Variants in CHRM5 observed in about 807,000 individuals in gnomAD.
The protein encoded by CHRM5 is muscarinic acetylcholine receptor M5.
A neutral mutation model predicts 39.0 loss-of-function variants in CHRM5; 18 were observed. The observed-to-expected ratio is 0.46, with a 90% CI of 0.32 to 0.68. The LOEUF (loss-of-function observed/expected upper bound fraction) is 0.68. CHRM5 is among the 30% of genes least tolerant of loss of function. CHRM5 has a pLI of 0.04. For missense variants in CHRM5, 515 were observed against 651.1 expected (o/e 0.79, Z 2.28); for synonymous variants, 241 against 246.3 (o/e 0.98, Z 0.20).
intron 1 of CHRM5, among the ~76,000 whole-genome samples, chr15:33,983,198 GTGTA>G (rs1567447683): frequency 2.0e-4 from 9 of 45,312 alleles, no homozygotes; most frequent in African/African-American, 1.2e-3. Flanking sequence ...GTGTATGTGT[GTGTA>G]TATATATATA....
intron 1 of CHRM5, among the ~76,000 whole-genome samples, chr15:34,009,401 T>C (rs1457384901): frequency 6.6e-6 from 1 of 152,216 alleles, no homozygotes; most frequent in Non-Finnish European, 1.5e-5. Context: ...GTCTTCCCTT[T>C]ACTGATTTTA....
chr15:34,038,648 C>T (rs1344474171), intron 1 of CHRM5: 15 of 835,942 alleles, frequency 1.8e-5, no homozygotes, highest in Non-Finnish European at 2.1e-5. Flanking sequence ...TCCGCCCGTC[C>T]CGCGCAGGCG....
At position 34,048,023 on chromosome 15, in the gene CHRM5, GTGTGTGTGTGTGTT is replaced by G. The variant is rs537656189; in HGVS notation, c.-76+1166_-76+1179del. On this transcript the variant is annotated intron_variant, in intron 2 of 2. Coordinates refer to ENST00000383263, the MANE Select transcript of CHRM5 (RefSeq NM_012125.4). ...AGGCACACATCACCACGTCCAGCTC[GTGTGTGTGTGTGTT>G]TGTGTGTGTGTGTGTTTGGTAGATA... is the stretch of plus-strand genomic sequence containing the variant. 2.5e-3 allele frequency among the ~76,000 whole-genome samples: 65 copies of G among 26,268 alleles called. 1 individual carries two copies. The South Asian group carries it at 0.08, about 32-fold the overall frequency. 17.2% of individuals were successfully genotyped at this position (26,268 alleles called of 152,430 possible).
chr15:34,057,133 T>G (rs577353258), intron 2 of CHRM5, among the ~76,000 whole-genome samples: 34 of 46,320 alleles, frequency 7.3e-4, no homozygotes, highest in African/African-American at 1.2e-3. Context: ...AGAGTTTTGG[T>G]TTTTTTTGGT....
At chr15:34,017,530 C>T (rs940000927) in intron 1 of CHRM5, among the ~76,000 whole-genome samples, 4 of 138,840 alleles carry the variant, frequency 2.9e-5, no homozygotes, top group South Asian at 2.3e-4. Flanking sequence ...TCATCCAGGC[C>T]GGAGTGCAGT....
intron 2 of CHRM5, among the ~76,000 whole-genome samples, chr15:34,053,979 T>A (rs1900038386): frequency 6.6e-6 from 1 of 151,778 alleles, no homozygotes; most frequent in Non-Finnish European, 1.5e-5. Flanking sequence ...AACAAATTTA[T>A]GAGAAAAAAA....
chr15:33,986,785 T>C (rs533731492), intron 1 of CHRM5, among the ~76,000 whole-genome samples: 1 of 151,960 alleles, frequency 6.6e-6, no homozygotes, highest in Non-Finnish European at 1.5e-5. Flanking sequence ...GCCGCCCGAG[T>C]AGCTGGGACT....
At chr15:33,987,627 A>G (rs1166468877) in intron 1 of CHRM5, among the ~76,000 whole-genome samples, 1 of 152,164 alleles carries the variant, frequency 6.6e-6, no homozygotes, top group Admixed American at 6.5e-5. Context: ...TATTCCACTG[A>G]GGTCAAGGCT....
chr15:34,049,317 T>C (rs1326361329), intron 2 of CHRM5, among the ~76,000 whole-genome samples: 2 of 152,098 alleles, frequency 1.3e-5, no homozygotes, highest in East Asian at 3.9e-4. Context: ...GAGAAAACAA[T>C]GCAGGAGCTG....
chr15:33,994,825 G>C (rs1035965413), intron 1 of CHRM5, among the ~76,000 whole-genome samples: 7 of 152,120 alleles, frequency 4.6e-5, no homozygotes, highest in Non-Finnish European at 1.0e-4. Flanking sequence ...TGTACTCTTA[G>C]ATAAAGGTCT....
At chr15:34,038,644 C>G in intron 1 of CHRM5, 1 of 777,760 alleles carries the variant, frequency 1.3e-6, no homozygotes, top group Non-Finnish European at 1.6e-6. Flanking sequence ...ACCATCCGCC[C>G]GTCCCGCGCA....
chr15:34,013,064 T>G (rs1270734694), intron 1 of CHRM5, among the ~76,000 whole-genome samples: 2 of 146,484 alleles, frequency 1.4e-5, no homozygotes, highest in Admixed American at 6.8e-5. Flanking sequence ...TTTTTTTGTT[T>G]GTTTGTTTGT....
intron 1 of CHRM5, among the ~76,000 whole-genome samples, chr15:33,980,513 T>C (rs573861495): frequency 8.5e-4 from 129 of 152,254 alleles, no homozygotes; most frequent in African/African-American, 2.9e-3. Flanking sequence ...ATATATGACA[T>C]GAGCACAAAC....
chr15:33,981,443 C>T (rs141166094), intron 1 of CHRM5, among the ~76,000 whole-genome samples: 1 of 140,626 alleles, frequency 7.1e-6, no homozygotes, highest in South Asian at 2.3e-4. Context: ...CTAAACATAA[C>T]CAAGTTTTTT....
At chr15:34,033,256 A>C (rs1189316883) in intron 1 of CHRM5, among the ~76,000 whole-genome samples, 1 of 152,188 alleles carries the variant, frequency 6.6e-6, no homozygotes, top group Non-Finnish European at 1.5e-5. Flanking sequence ...CTGTAATCCT[A>C]GCACGTCAGG....
At chr15:33,978,642 G>A (rs1362066062) in intron 1 of CHRM5, among the ~76,000 whole-genome samples, 1 of 152,092 alleles carries the variant, frequency 6.6e-6, no homozygotes, top group African/African-American at 2.4e-5. Context: ...CAGCCTGGGT[G>A]ACAGAGTGAG....
intron 1 of CHRM5, among the ~76,000 whole-genome samples, chr15:33,989,446 A>G (rs374362523): frequency 7.1e-6 from 1 of 140,332 alleles, no homozygotes; most frequent in Admixed American, 7.0e-5. Context: ...TTTTGTTTGG[A>G]GTTTAAAAAA....
At chr15:34,031,689 CG>C (rs1898839190) in intron 1 of CHRM5, among the ~76,000 whole-genome samples, 3 of 151,964 alleles carry the variant, frequency 2.0e-5, no homozygotes, top group Admixed American at 6.6e-5. Flanking sequence ...GTGATATGGG[CG>C]GTAGGAAACA....
In CHRM5 at chr15:34,020,267, C is replaced by T. The variant is rs189776495; in HGVS notation, c.-407-26273C>T. ...CGGAGCTTGCAGTTAGCTGAGATCA[C>T]ACCACTGCACTCTAGCCTGGGTGAC... On this transcript the variant is annotated intron_variant, in intron 1 of 2. Transcript: ENST00000383263. Among the ~76,000 whole-genome samples the T allele has an allele frequency of 3.5e-3, 532 of 151,592 alleles. 4 individuals carry two copies. The highest frequency in any genetic ancestry group is 0.012 in the African/African-American group (499 of 41,318).
Sources: allele counts gnomAD v4.1 joint callset (sites outside exome capture counted in the v4.1 genomes callset), GRCh38; gene constraint gnomAD v4.1.1; transcripts MANE v1.5; gene names NCBI Gene and HGNC (gene_info 2026-07-23, HGNC 2026-07-21).